The following ANKS6 variants were observed in gnomAD, a reference collection of about 807,000 sequenced individuals.
ANKS6 encodes the protein ankyrin repeat and SAM domain-containing protein 6.
Under a neutral mutation model 77.9 loss-of-function variants are expected in ANKS6, and 47 were observed. The ratio of observed to expected loss-of-function variants is 0.60; its 90% CI spans 0.48 to 0.77. The LOEUF (loss-of-function observed/expected upper bound fraction) is 0.77. Ranked by LOEUF, ANKS6 falls within the 30% of genes least tolerant of loss-of-function variation. The probability of loss-of-function intolerance (pLI) is 0.00; values close to 1 mark genes in which losing one functional copy is unlikely to be tolerated. For synonymous variants in ANKS6, 488 were observed against 501.7 expected, an observed-to-expected ratio of 0.97 and a Z score of 0.37; for missense variants, 1,150 against 1,159.1, an observed-to-expected ratio of 0.99 and a Z score of 0.11.
chr9:98,753,469 TTTTCCCATCACTGCCTAGATTACA>T (rs1201590312), intron 12 of ANKS6, among the ~76,000 whole-genome samples: 1 of 152,170 alleles, frequency 6.6e-6, no homozygotes, highest in African/African-American at 2.4e-5. Flanking sequence ...ATTGTTAACA[TTTTCCCATCACTGCCTAGATTACA>T]TGTAGACAAT....
intron 14 of ANKS6, among the ~76,000 whole-genome samples, chr9:98,742,708 C>T (rs1831904882): frequency 6.6e-6 from 1 of 152,062 alleles, no homozygotes; most frequent in African/African-American, 2.4e-5. Flanking sequence ...CCTGGCATGT[C>T]ACAGGCACCT....
chr9:98,755,021 A>G (rs1355008873), intron 12 of ANKS6, among the ~76,000 whole-genome samples: 2 of 152,184 alleles, frequency 1.3e-5, no homozygotes, highest in African/African-American at 4.8e-5. Context: ...TCAAGACTCC[A>G]CATAGAAAAT....
At chr9:98,778,585 C>G (rs996951875) in intron 6 of ANKS6, among the ~76,000 whole-genome samples, 161 bp from the exon 7 acceptor site, 1 of 152,178 alleles carries the variant, frequency 6.6e-6, no homozygotes, top group Non-Finnish European at 1.5e-5. Flanking sequence ...CACCCATTCC[C>G]AATAAGCCAT....
At chr9:98,788,369 C>T (rs1002792581) in intron 2 of ANKS6, among the ~76,000 whole-genome samples, 2 of 152,166 alleles carry the variant, frequency 1.3e-5, no homozygotes, top group African/African-American at 2.4e-5. Context: ...TGGGGGAATA[C>T]CCTCCTCAGA....
chr9:98,745,589 C>T lies in ANKS6; in HGVS notation c.2481G>A (p.Leu827=). 2 of 1,614,134 alleles carry T rather than the reference C, an allele frequency of 1.2e-6. No individual in the cohort carries two copies. Among genetic ancestry groups the T allele is most frequent in the South Asian group, 2.2e-5 (2 of 91,080 alleles). ...CTGCGTTCAGTTCAGAAATCGCTGCCAGAATCTGCTGCCTGGACCCATCTG... is the reference window on the plus strand; with the variant it reads ...CTGCGTTCAGTTCAGAAATCGCTGCTAGAATCTGCTGCCTGGACCCATCTG... ...IKTDGSRQQI[L]AAISELNAGK... is the part of the protein sequence containing the mutation. Residue 827 remains leucine, a synonymous_variant, in exon 14 of 15, where the codon CTG becomes CTA. Transcript: ENST00000353234.
intron 8 of ANKS6, among the ~76,000 whole-genome samples, chr9:98,777,037 AG>A (rs1232755927): frequency 1.6e-4 from 24 of 152,336 alleles, no homozygotes; most frequent in Admixed American, 3.9e-4. Context: ...GAGGAAACTG[AG>A]GCCTCCCCAG....
Position 98,780,335 on chromosome 9 carries a change from T to C in ANKS6, c.1222A>G (p.Thr408Ala). The change falls in exon 6 of 15, where the codon ACG (threonine) becomes GCG (alanine). Residue 408 changes from threonine to alanine, a missense_variant and splice_region_variant. Physicochemically the swap from Thr to Ala is moderately conservative, Grantham distance 58 (BLOSUM62 0). Coordinates refer to ENST00000353234, the MANE Select transcript of ANKS6 (RefSeq NM_173551.5). Reference protein sequence around the residue: ...DLVMLLNDPDTELVRLLASVC... With the variant: ...DLVMLLNDPDAELVRLLASVC... ...GATGCCAGCAGTCGAACAAGTTCCGTGTCTATGGACACAAAAGGCATCATT... is the reference window on the plus strand; with the variant it reads ...GATGCCAGCAGTCGAACAAGTTCCGCGTCTATGGACACAAAAGGCATCATT... 4 of 1,589,892 alleles carry C rather than the reference T, an allele frequency of 2.5e-6. No homozygotes were observed. The highest frequency in any genetic ancestry group is 3.4e-6 in the Non-Finnish European group (4 of 1,166,876).
At chr9:98,780,686 T>C (rs1834198130) in intron 5 of ANKS6, among the ~76,000 whole-genome samples, 2 of 152,210 alleles carry the variant, frequency 1.3e-5, no homozygotes, top group South Asian at 4.1e-4. Flanking sequence ...CAAAGCCTCT[T>C]TGTGCGTCTG....
intron 14 of ANKS6, among the ~76,000 whole-genome samples, chr9:98,739,846 CT>C (rs1831724691): frequency 7.2e-6 from 1 of 138,326 alleles, no homozygotes; most frequent in African/African-American, 2.8e-5. Context: ...GCTCCGCCCC[CT>C]GGGGTTCACG....
chr9:98,792,686 T>G, intron 1 of ANKS6, among the ~76,000 whole-genome samples: 1 of 152,192 alleles, frequency 6.6e-6, no homozygotes, highest in Non-Finnish European at 1.5e-5. Flanking sequence ...TTTATCTCAT[T>G]TGATCTTAAT....
rs1014726193 is a variant in ANKS6 at position 98,784,882 on chromosome 9, T to C, written c.863-6A>G. The C allele has an allele frequency of 6.2e-7, 1 of 1,612,762 alleles. No individual in the cohort carries two copies. The highest frequency in any genetic ancestry group is 8.5e-7 in the Non-Finnish European group (1 of 1,179,522). Reference sequence around the variant, plus strand: ...AGGTCGCCTTTTCTCCTCATCTGGGTAAACAAAGATTTTTAAAGTTAACCA... The same window carrying C: ...AGGTCGCCTTTTCTCCTCATCTGGGCAAACAAAGATTTTTAAAGTTAACCA... On this transcript the variant is annotated splice_polypyrimidine_tract_variant and splice_region_variant and intron_variant, in intron 2 of 14. Coordinates refer to ENST00000353234, the MANE Select transcript of ANKS6 (RefSeq NM_173551.5).
chr9:98,732,212 G>A lies in ANKS6; in HGVS notation c.*4307C>T. On this transcript the variant is annotated 3_prime_UTR_variant, in exon 15 of 15. Coordinates refer to ENST00000353234, the MANE Select transcript of ANKS6 (RefSeq NM_173551.5). ...CCCAGGAAGGGTCCCGGGCTCTTCA[G>A]GAGGCATTTACTTGGAAGTACAGGT... 2.2e-6 allele frequency: 1 copy of A among 463,704 alleles called. No homozygotes were observed. The highest frequency in any genetic ancestry group is 3.9e-6 in the Non-Finnish European group (1 of 258,046). 28.7% of individuals were successfully genotyped at this position (463,704 alleles called of 1,614,324 possible). A position where few individuals can be genotyped will look rare whatever the true frequency, so the allele number is the denominator to read the frequency against.
chr9:98,769,876 C>A (rs1225610011), intron 10 of ANKS6, among the ~76,000 whole-genome samples: 1 of 152,148 alleles, frequency 6.6e-6, no homozygotes, highest in East Asian at 1.9e-4. Context: ...ATTATTGTGC[C>A]TTTTTATAAA....
At chr9:98,787,914 C>T (rs1834664041) in intron 2 of ANKS6, among the ~76,000 whole-genome samples, 2 of 152,352 alleles carry the variant, frequency 1.3e-5, no homozygotes, top group African/African-American at 4.8e-5. Context: ...TAATCCACTT[C>T]CCATGTGCTC....
In ANKS6 at chr9:98,732,709, G is replaced by C; in HGVS notation, c.*3810C>G. 1 of 1,447,596 alleles carries C rather than the reference G, an allele frequency of 6.9e-7. No individual in the cohort carries two copies. Among genetic ancestry groups the C allele is most frequent in the East Asian group, 2.5e-5 (1 of 39,906 alleles). The allele number at this position is 1,447,596 out of a possible 1,614,324, so 89.7% of individuals were successfully genotyped here. A position where few individuals can be genotyped will look rare whatever the true frequency, so the allele number is the denominator to read the frequency against. On this transcript the variant is annotated 3_prime_UTR_variant, in exon 15 of 15. Coordinates refer to ENST00000353234, the MANE Select transcript of ANKS6 (RefSeq NM_173551.5). ...GATCCCTGGGGGCTACTATCCCCCTGTAACCAAAAGGGAAACTGGGACTCA... is the reference window on the plus strand; with the variant it reads ...GATCCCTGGGGGCTACTATCCCCCTCTAACCAAAAGGGAAACTGGGACTCA...
At chr9:98,764,432 T>G (rs549131384) in intron 11 of ANKS6, among the ~76,000 whole-genome samples, 37 of 152,352 alleles carry the variant, frequency 2.4e-4, no homozygotes, top group African/African-American at 8.7e-4. Context: ...TTTCATTTTT[T>G]AAGCATTATT....
intron 11 of ANKS6, among the ~76,000 whole-genome samples, chr9:98,767,027 A>G (rs1365998139): frequency 6.6e-6 from 1 of 152,058 alleles, no homozygotes; most frequent in African/African-American, 2.4e-5. Flanking sequence ...AGGAACCCGC[A>G]CTCTGGGGGC....
intron 2 of ANKS6, among the ~76,000 whole-genome samples, chr9:98,786,253 G>A (rs948633225): frequency 6.6e-6 from 1 of 150,860 alleles, no homozygotes; most frequent in African/African-American, 2.4e-5. Context: ...TGCTGAGATT[G>A]CAGGTGTGAG....
At position 98,733,214 on chromosome 9, in the gene ANKS6, A is replaced by C; in HGVS notation, c.*3305T>G. On this transcript the variant is annotated 3_prime_UTR_variant, in exon 15 of 15. Coordinates refer to ENST00000353234, the MANE Select transcript of ANKS6 (RefSeq NM_173551.5). Reference sequence around the variant, plus strand: ...ACGTTCGGTAAACAAAAGAATTAAAAAATAAACAATCTCCTCACAAAACCA... The same window carrying C: ...ACGTTCGGTAAACAAAAGAATTAAACAATAAACAATCTCCTCACAAAACCA... The C allele has an allele frequency of 1.0e-6, 1 of 985,478 alleles. No individual in the cohort carries two copies. Among genetic ancestry groups the C allele is most frequent in the South Asian group, 4.7e-5 (1 of 21,282 alleles). The allele number at this position is 985,478 out of a possible 1,614,324, so 61.0% of individuals were successfully genotyped here.
Sources: gnomAD v4.1 joint callset for allele counts (sites outside exome capture counted in the v4.1 genomes callset) on GRCh38, gnomAD v4.1.1 for gene constraint, MANE v1.5 for transcripts, NCBI Gene and HGNC (gene_info 2026-07-23, HGNC 2026-07-21) for gene names.